The following OLFM3 variants were observed in gnomAD, a reference collection of about 807,000 sequenced individuals.
OLFM3 encodes the protein noelin-3.
In OLFM3, 20 loss-of-function variants were observed where a neutral mutation model predicts 48.6. The observed-to-expected ratio is 0.41, with a 90% CI of 0.29 to 0.60. The LOEUF (loss-of-function observed/expected upper bound fraction) is 0.60. OLFM3 is among the 20% of genes least tolerant of loss of function. The pLI is 0.28. For missense variants in OLFM3, 437 were observed against 544.3 expected, an observed-to-expected ratio of 0.80 and a Z score of 1.96; for synonymous variants, 222 against 198.1, an observed-to-expected ratio of 1.12 and a Z score of -1.01.
intron 1 of OLFM3, among the ~76,000 whole-genome samples, chr1:101,959,153 T>C (rs1257533025): frequency 1.3e-5 from 2 of 151,992 alleles, no homozygotes; most frequent in Non-Finnish European, 2.9e-5. Context: ...ATAAACTGCA[T>C]GTGAGGCTGC....
chr1:101,988,492 C>T (rs1266798928), intron 1 of OLFM3, among the ~76,000 whole-genome samples: 1 of 152,064 alleles, frequency 6.6e-6, no homozygotes, highest in Non-Finnish European at 1.5e-5. Context: ...CATAAGAGTT[C>T]TAAGTCTTTA....
At chr1:101,980,237 G>A (rs1344980546) in intron 1 of OLFM3, among the ~76,000 whole-genome samples, 2 of 152,092 alleles carry the variant, frequency 1.3e-5, no homozygotes, top group Non-Finnish European at 2.9e-5. Flanking sequence ...AAGACTTTGG[G>A]GGACTGTCGG....
chr1:101,857,902 A>G (rs1656495453), intron 1 of OLFM3, among the ~76,000 whole-genome samples: 1 of 152,002 alleles, frequency 6.6e-6, no homozygotes, highest in South Asian at 2.1e-4. Context: ...CATATTTGGA[A>G]CATTTGATTT....
chr1:101,975,804 A>C (rs993547400), intron 1 of OLFM3, among the ~76,000 whole-genome samples: 1 of 152,142 alleles, frequency 6.6e-6, no homozygotes, highest in Admixed American at 6.6e-5. Context: ...TCTTGAGGAA[A>C]GAATATTCAG....
intron 1 of OLFM3, among the ~76,000 whole-genome samples, chr1:101,926,665 A>G (rs1013648526): frequency 1.3e-5 from 2 of 152,092 alleles, no homozygotes; most frequent in Non-Finnish European, 2.9e-5. Context: ...CTCCCTGGTC[A>G]CCTCCCTGAG....
At chr1:101,960,857 T>C (rs1211952182) in intron 1 of OLFM3, among the ~76,000 whole-genome samples, 1 of 152,156 alleles carries the variant, frequency 6.6e-6, no homozygotes, top group Non-Finnish European at 1.5e-5. Context: ...CTTCAATTCT[T>C]ACAGAGATAG....
intron 1 of OLFM3, among the ~76,000 whole-genome samples, chr1:101,908,485 A>G (rs1461235154): frequency 6.6e-6 from 1 of 152,190 alleles, no homozygotes; most frequent in Non-Finnish European, 1.5e-5. Context: ...CAATGGAGCA[A>G]TTCTGCGCAC....
At chr1:101,811,269 C>G (rs981287732) in intron 4 of OLFM3, among the ~76,000 whole-genome samples, 1 of 151,922 alleles carries the variant, frequency 6.6e-6, no homozygotes, top group Admixed American at 6.6e-5. Flanking sequence ...TTTCTATTGT[C>G]CAAGTGAATA....
intron 1 of OLFM3, among the ~76,000 whole-genome samples, chr1:101,986,120 C>T (rs1438776609): frequency 2.0e-5 from 3 of 151,980 alleles, no homozygotes; most frequent in East Asian, 1.9e-4. Context: ...CGCCCGCCAC[C>T]ACGCCCGGCT....
At chr1:101,933,461 C>T (rs1369447498) in intron 1 of OLFM3, among the ~76,000 whole-genome samples, 1 of 151,752 alleles carries the variant, frequency 6.6e-6, no homozygotes, top group African/African-American at 2.4e-5. Flanking sequence ...AAATATGGAA[C>T]TATGTAACGA....
chr1:101,857,476 G>A (rs1656473622), intron 1 of OLFM3, among the ~76,000 whole-genome samples: 1 of 151,808 alleles, frequency 6.6e-6, no homozygotes, highest in African/African-American at 2.4e-5. Flanking sequence ...TCAGGTCTCT[G>A]CAAAGAGACA....
At chr1:101,948,511 T>A (rs1243692124) in intron 1 of OLFM3, among the ~76,000 whole-genome samples, 2 of 151,912 alleles carry the variant, frequency 1.3e-5, no homozygotes, top group African/African-American at 4.8e-5. Context: ...GTTTAGGTAA[T>A]TTTTTTTGCC....
intron 1 of OLFM3, among the ~76,000 whole-genome samples, chr1:101,989,564 A>G (rs1661341607): frequency 9.2e-6 from 1 of 108,286 alleles, no homozygotes; most frequent in Non-Finnish European, 2.2e-5. Flanking sequence ...GGTCTATTCT[A>G]GATATTACAT....
At chr1:101,898,585 A>G (rs1317607309) in intron 1 of OLFM3, among the ~76,000 whole-genome samples, 5 of 152,206 alleles carry the variant, frequency 3.3e-5, no homozygotes, top group Non-Finnish European at 5.9e-5. Flanking sequence ...ATGGTCGCTC[A>G]TGCCTGTAAT....
At chr1:101,983,815 T>G (rs1448602008) in intron 1 of OLFM3, among the ~76,000 whole-genome samples, 1 of 152,224 alleles carries the variant, frequency 6.6e-6, no homozygotes, top group Non-Finnish European at 1.5e-5. Context: ...CAATCATCAT[T>G]TATTTGTCTG....
intron 1 of OLFM3, 65 bp downstream of exon 1, chr1:101,996,683 A>G (rs1661568883): frequency 5.2e-6 from 8 of 1,535,790 alleles, no homozygotes; most frequent in Non-Finnish European, 6.3e-6. Flanking sequence ...ATTTATTTGC[A>G]TTTCTGTTAG....
chr1:101,815,119 TAGAA>T lies in OLFM3; in HGVS notation c.593-8941_593-8938del, dbSNP rs1327712648. Among the ~76,000 whole-genome samples the T allele has an allele frequency of 3.3e-5, 5 of 152,236 alleles. No homozygotes were observed. The East Asian group carries it at 5.8e-4, about 18-fold the overall frequency. ...GAATGACAGAATGTAAGCTGCACCT[TAGAA>T]AGATCTCTCTAGCTACTGTATAGAA... On this transcript the variant is annotated intron_variant, in intron 4 of 5. Transcript: ENST00000370103.
chr1:101,952,672 T>G lies in OLFM3; in HGVS notation c.69+44076A>C, dbSNP rs182847263. Among the ~76,000 whole-genome samples, 8 of 152,184 alleles carry G rather than the reference T, an allele frequency of 5.3e-5. No homozygotes were observed. In the East Asian group the frequency reaches 1.5e-3, roughly 29 times the overall value. ...TCTAAAAATAATGAAACTACTAAGA[T>G]AAATAAAATATATATAGCAGGAGAT... On this transcript the variant is annotated intron_variant, in intron 1 of 5. Coordinates refer to ENST00000370103, the MANE Select transcript of OLFM3 (RefSeq NM_058170.4).
intron 1 of OLFM3, among the ~76,000 whole-genome samples, chr1:101,945,580 T>C (rs550447254): frequency 3.3e-5 from 5 of 152,102 alleles, no homozygotes; most frequent in Non-Finnish European, 7.4e-5. Flanking sequence ...TTGGTGATAG[T>C]TTTATGAGTT....
Sources: allele counts gnomAD v4.1 joint callset (sites outside exome capture counted in the v4.1 genomes callset), GRCh38; gene constraint gnomAD v4.1.1; transcripts MANE v1.5; gene names NCBI Gene and HGNC (gene_info 2026-07-23, HGNC 2026-07-21).